SEMA3D: variants seen among roughly 807,000 people sequenced by gnomAD.
The protein encoded by SEMA3D is semaphorin-3D.
Under a neutral mutation model 100.1 loss-of-function variants are expected in SEMA3D, and 84 were observed. That is an observed-to-expected ratio of 0.84 (90% CI 0.70 to 1.01). SEMA3D has a LOEUF of 1.01. SEMA3D is among the 50% of genes least tolerant of loss of function. The pLI, the probability that SEMA3D is intolerant of heterozygous loss-of-function variation, is 0.00. For synonymous variants in SEMA3D, 312 were observed against 320.7 expected, an observed-to-expected ratio of 0.97 and a Z score of 0.29; for missense variants, 875 against 934.1, an observed-to-expected ratio of 0.94 and a Z score of 0.82.
the SEMA3D span, among the ~76,000 whole-genome samples, chr7:85,241,494 A>ATATATATAT: frequency 3.8e-5 from 3 of 79,188 alleles, no homozygotes; most frequent in African/African-American, 1.4e-4. Context: ...TATATATATG[A>ATATATATAT]ATACTACTCA....
At chr7:85,185,699 T>C (rs1170178668) in intron 1 of SEMA3D, among the ~76,000 whole-genome samples, 5 of 152,090 alleles carry the variant, frequency 3.3e-5, no homozygotes, top group Non-Finnish European at 7.4e-5. Context: ...CTTCCCTCCT[T>C]GCACTGTGAC....
chr7:85,195,196 A>G, the SEMA3D span, among the ~76,000 whole-genome samples: 3 of 152,114 alleles, frequency 2.0e-5, no homozygotes, highest in South Asian at 6.2e-4. Flanking sequence ...GCATCCAGTT[A>G]AAAATCCCCC....
At chr7:85,167,066 C>A (rs546138599) in intron 1 of SEMA3D, among the ~76,000 whole-genome samples, 1 of 151,960 alleles carries the variant, frequency 6.6e-6, no homozygotes, top group East Asian at 1.9e-4. Context: ...AGAGAAATAT[C>A]CATTAGGATG....
intron 2 of SEMA3D, among the ~76,000 whole-genome samples, chr7:85,126,724 G>A (rs1164742097): frequency 6.6e-6 from 1 of 151,954 alleles, no homozygotes; most frequent in Non-Finnish European, 1.5e-5. Context: ...CATGGCTGTG[G>A]ACAGCACAAC....
At chr7:85,046,573 T>C (rs1562795856) in intron 9 of SEMA3D, among the ~76,000 whole-genome samples, 1 of 151,924 alleles carries the variant, frequency 6.6e-6, no homozygotes, top group Non-Finnish European at 1.5e-5. Context: ...CCTGGGATAA[T>C]AGCACTCAGG....
chr7:85,240,696 T>C, the SEMA3D span, among the ~76,000 whole-genome samples: 1 of 152,194 alleles, frequency 6.6e-6, no homozygotes, highest in East Asian at 1.9e-4. Context: ...AATATCTATA[T>C]CTTCTTATGT....
At chr7:85,014,628 T>C (rs926250759) in intron 16 of SEMA3D, among the ~76,000 whole-genome samples, 6 of 151,798 alleles carry the variant, frequency 4.0e-5, no homozygotes, top group Non-Finnish European at 8.8e-5. Context: ...GTCACTAGGC[T>C]GCACTGTGGG....
At chr7:85,098,736 A>G (rs1472375275) in intron 3 of SEMA3D, among the ~76,000 whole-genome samples, 1 of 151,918 alleles carries the variant, frequency 6.6e-6, no homozygotes, top group African/African-American at 2.4e-5. Flanking sequence ...TATATTTTAT[A>G]TATTTCAACA....
At chr7:85,160,061 C>G (rs1442822634) in intron 1 of SEMA3D, 2 of 933,102 alleles carry the variant, frequency 2.1e-6, no homozygotes, top group Non-Finnish European at 2.6e-6. Flanking sequence ...GAACTGCAAA[C>G]AGTAATACTG....
At chr7:85,001,557 AT>A (rs1300485842) in intron 18 of SEMA3D, among the ~76,000 whole-genome samples, 5 of 152,086 alleles carry the variant, frequency 3.3e-5, no homozygotes, top group South Asian at 2.1e-4. Flanking sequence ...AGATAATTTC[AT>A]TGTAATTTTT....
intron 2 of SEMA3D, among the ~76,000 whole-genome samples, chr7:85,126,698 TA>T (rs1167599974): frequency 1.3e-5 from 2 of 152,032 alleles, no homozygotes; most frequent in East Asian, 3.9e-4. Context: ...CAATTATTGG[TA>T]ACATTACTTC....
At chr7:85,105,835 CTTA>C (rs1360884667) in intron 3 of SEMA3D, among the ~76,000 whole-genome samples, 7 of 151,968 alleles carry the variant, frequency 4.6e-5, no homozygotes, top group Non-Finnish European at 8.8e-5. Context: ...ACAAATTAAG[CTTA>C]TTATGTCATG....
chr7:85,188,785 C>G (rs1791630756), upstream of SEMA3D, among the ~76,000 whole-genome samples: 1 of 152,164 alleles, frequency 6.6e-6, no homozygotes, highest in Non-Finnish European at 1.5e-5. Flanking sequence ...TGACACCTTC[C>G]TTTGCTACCA....
rs968314985 is a variant in SEMA3D, at chr7:85,150,317, G to A, written c.-41+3291C>T. Among the ~76,000 whole-genome samples, 3 of 140,444 alleles carry A rather than the reference G, an allele frequency of 2.1e-5. No individual in the cohort carries two copies. The East Asian group carries it at 6.2e-4, about 29-fold the overall frequency. 92.1% of individuals were successfully genotyped at this position (140,444 alleles called of 152,430 possible). A position where few individuals can be genotyped will look rare whatever the true frequency, so the allele number is the denominator to read the frequency against. On this transcript the variant is annotated intron_variant, in intron 2 of 18. Coordinates refer to ENST00000284136, the MANE Select transcript of SEMA3D (RefSeq NM_001384900.1). ...TACTAAGAACTGAAAATCTTGGAAA[G>A]ATATTTCTGTTCTAAATACTTTTCT...
intron 6 of SEMA3D, 140 bp from the exon 7 acceptor site, chr7:85,068,424 C>T: frequency 1.7e-6 from 1 of 583,454 alleles, no homozygotes; most frequent in Admixed American, 3.1e-5. Flanking sequence ...TGCTGAACTC[C>T]TTAACTTTTT....
At chr7:85,158,751 T>A (rs1790665376) in intron 1 of SEMA3D, among the ~76,000 whole-genome samples, 1 of 152,166 alleles carries the variant, frequency 6.6e-6, no homozygotes, top group African/African-American at 2.4e-5. Flanking sequence ...CCACATGTGA[T>A]GTCTCCTCTG....
At chr7:85,168,443 T>C (rs1790972766) in intron 1 of SEMA3D, among the ~76,000 whole-genome samples, 1 of 151,772 alleles carries the variant, frequency 6.6e-6, no homozygotes, top group African/African-American at 2.4e-5. Context: ...ATTCTGGCAG[T>C]ACAGGCTTCT....
At chr7:85,058,283 T>C (rs1189534974) in intron 8 of SEMA3D, among the ~76,000 whole-genome samples, 1 of 152,114 alleles carries the variant, frequency 6.6e-6, no homozygotes, top group Non-Finnish European at 1.5e-5. Flanking sequence ...TAATCTCAAA[T>C]TGGCAAGGCC....
chr7:85,108,871 A>G (rs149198868), intron 3 of SEMA3D, among the ~76,000 whole-genome samples: 5 of 152,008 alleles, frequency 3.3e-5, no homozygotes, highest in Non-Finnish European at 5.9e-5. Context: ...AATGATATAT[A>G]AGCTTTTTCC....
Sources: allele counts gnomAD v4.1 joint callset (sites outside exome capture counted in the v4.1 genomes callset), GRCh38; gene constraint gnomAD v4.1.1; transcripts MANE v1.5; gene names NCBI Gene and HGNC (gene_info 2026-07-23, HGNC 2026-07-21).